ALKBH3: variants seen among roughly 807,000 people sequenced by gnomAD.
The protein encoded by ALKBH3 is alkB homolog 3, alpha-ketoglutarate dependent dioxygenase, also known as alpha-ketoglutarate-dependent dioxygenase alkB homolog 3.
In ALKBH3, 51 loss-of-function variants were observed where a neutral mutation model predicts 43.9. The ratio of observed to expected loss-of-function variants is 1.16; its 90% CI spans 0.93 to 1.47. ALKBH3 has a LOEUF of 1.47. ALKBH3 is among the 40% of genes most tolerant of loss of function. ALKBH3 has a pLI of 0.00. For synonymous variants in ALKBH3, 102 were observed against 115.2 expected, an observed-to-expected ratio of 0.89 and a Z score of 0.73; for missense variants, 361 against 351.9, an observed-to-expected ratio of 1.03 and a Z score of -0.21.
chr11:43,889,861 G>A (rs1310164979), intron 6 of ALKBH3, 33 bp downstream of exon 6: 2 of 1,539,300 alleles, frequency 1.3e-6, no homozygotes, highest in African/African-American at 1.4e-5. Flanking sequence ...AGTTGGTGCT[G>A]CGTGTTCTCC....
intron 6 of ALKBH3, among the ~76,000 whole-genome samples, chr11:43,890,483 G>T (rs1396627745): frequency 6.6e-6 from 1 of 152,152 alleles, no homozygotes; most frequent in African/African-American, 2.4e-5. Flanking sequence ...CTGTAAAGAG[G>T]CAAAGTATAT....
chr11:43,904,092 C>G (rs1234795921), intron 8 of ALKBH3, among the ~76,000 whole-genome samples: 4 of 152,192 alleles, frequency 2.6e-5, no homozygotes, highest in Admixed American at 1.3e-4. Flanking sequence ...CTGTAGCTTT[C>G]TCTTCTCCTC....
chr11:43,888,245 C>A (rs1951759806), intron 5 of ALKBH3, among the ~76,000 whole-genome samples: 1 of 90,464 alleles, frequency 1.1e-5, no homozygotes, highest in Non-Finnish European at 2.7e-5. Flanking sequence ...GTGTGCGCCA[C>A]CACACCTGGC....
At chr11:43,887,149 C>T (rs1049903708) in intron 5 of ALKBH3, among the ~76,000 whole-genome samples, 5 of 152,060 alleles carry the variant, frequency 3.3e-5, no homozygotes, top group Non-Finnish European at 5.9e-5. Context: ...AACTTCTGCC[C>T]CTTAAATTCT....
rs1380113094 is a variant in ALKBH3 at position 43,900,066 on chromosome 11, T to C, written c.460-1450T>C. 3.7e-5 allele frequency among the ~76,000 whole-genome samples: 3 copies of C among 81,002 alleles called. No homozygotes were observed. In the East Asian group the frequency reaches 1.5e-3, roughly 39 times the overall value. The allele number at this position is 81,002 out of a possible 152,430, so 53.1% of individuals were successfully genotyped here. A position where few individuals can be genotyped will look rare whatever the true frequency, so the allele number is the denominator to read the frequency against. On this transcript the variant is annotated intron_variant, in intron 7 of 9. Coordinates refer to ENST00000302708, the MANE Select transcript of ALKBH3 (RefSeq NM_139178.4). ...AAATATGAGAATCAGCTCTCTTCTA[T>C]TAATTTAGATATTAAAAATTTGCAA...
intron 7 of ALKBH3, among the ~76,000 whole-genome samples, chr11:43,894,960 A>G (rs1238129868): frequency 6.6e-6 from 1 of 152,208 alleles, no homozygotes; most frequent in Non-Finnish European, 1.5e-5. Context: ...CAGGTGTCCC[A>G]TTAGCCAACT....
At chr11:43,884,618 T>G (rs750275910) in intron 4 of ALKBH3, among the ~76,000 whole-genome samples, 8 of 152,234 alleles carry the variant, frequency 5.3e-5, no homozygotes, top group Non-Finnish European at 1.0e-4. Context: ...TAGAAACTAT[T>G]CTTTTATCTT....
chr11:43,917,215 C>CAGTG (rs1404825439), intron 8 of ALKBH3, among the ~76,000 whole-genome samples: 2 of 152,222 alleles, frequency 1.3e-5, no homozygotes, highest in Admixed American at 6.5e-5. Flanking sequence ...CACTTTCCAT[C>CAGTG]AGTGCTGATA....
intron 4 of ALKBH3, 80 bp downstream of exon 4, chr11:43,884,097 A>C: frequency 1.3e-6 from 2 of 1,547,150 alleles, no homozygotes; most frequent in African/African-American, 1.4e-5. Context: ...TGTTTTTTCT[A>C]TCTGGAAGAG....
chr11:43,884,145 T>G, intron 4 of ALKBH3, 128 bp downstream of exon 4: 1 of 1,097,102 alleles, frequency 9.1e-7, no homozygotes, highest in Middle Eastern at 2.1e-4. Flanking sequence ...GTCTGGGATA[T>G]TCCCATCTCA....
At chr11:43,886,511 C>T in intron 4 of ALKBH3, 95 bp from the exon 5 acceptor site, 1 of 1,244,684 alleles carries the variant, frequency 8.0e-7, no homozygotes, top group Non-Finnish European at 1.2e-6. Context: ...CTTTGGTGAG[C>T]CAGGACTTTG....
chr11:43,898,361 A>C (rs1440161434), intron 7 of ALKBH3: 9 of 702,960 alleles, frequency 1.3e-5, no homozygotes, highest in Non-Finnish European at 2.1e-5. Flanking sequence ...CACCAGGTAG[A>C]CTACATTCTT....
intron 7 of ALKBH3, among the ~76,000 whole-genome samples, chr11:43,900,485 G>T (rs1477699874): frequency 6.6e-6 from 1 of 152,084 alleles, no homozygotes; most frequent in Non-Finnish European, 1.5e-5. Context: ...GCCTCCCAAA[G>T]TACTGGGATT....
At chr11:43,912,996 TCAAC>T (rs1951952019) in intron 8 of ALKBH3, among the ~76,000 whole-genome samples, 1 of 6,058 alleles carries the variant, frequency 1.7e-4, no homozygotes, top group Non-Finnish European at 1.2e-3. Context: ...CACTCATAAG[TCAAC>T]CATGGTTCAA....
intron 7 of ALKBH3, chr11:43,899,633 C>A: frequency 4.1e-6 from 2 of 482,470 alleles, no homozygotes; most frequent in East Asian, 4.1e-5. Flanking sequence ...TCCACCCTCC[C>A]GCCGAGCAGA....
intron 8 of ALKBH3, among the ~76,000 whole-genome samples, chr11:43,908,253 A>G (rs1181516910): frequency 6.6e-6 from 1 of 152,210 alleles, no homozygotes; most frequent in Non-Finnish European, 1.5e-5. Flanking sequence ...ATTGAGACTG[A>G]AGATATAGGT....
chr11:43,909,025 C>T (rs1016171550), intron 8 of ALKBH3, among the ~76,000 whole-genome samples: 3 of 152,096 alleles, frequency 2.0e-5, no homozygotes, highest in Non-Finnish European at 2.9e-5. Context: ...TCATTTGCCT[C>T]GCCAGAACCT....
At chr11:43,908,594 G>A (rs1951913360) in intron 8 of ALKBH3, among the ~76,000 whole-genome samples, 1 of 152,032 alleles carries the variant, frequency 6.6e-6, no homozygotes, top group Non-Finnish European at 1.5e-5. Context: ...AGAATGGAAT[G>A]TTCATCACAT....
At chr11:43,912,941 G>C (rs1334170895) in intron 8 of ALKBH3, among the ~76,000 whole-genome samples, 1 of 151,968 alleles carries the variant, frequency 6.6e-6, no homozygotes, top group Non-Finnish European at 1.5e-5. Flanking sequence ...CCTGGGCCTT[G>C]GTTAATACAT....
Sources: allele counts gnomAD v4.1 joint callset (sites outside exome capture counted in the v4.1 genomes callset), GRCh38; gene constraint gnomAD v4.1.1; transcripts MANE v1.5; gene names NCBI Gene and HGNC (gene_info 2026-07-23, HGNC 2026-07-21).